Variants in B4GALNT3 observed in about 807,000 individuals in gnomAD.
B4GALNT3 encodes the protein beta-1,4-N-acetylgalactosaminyltransferase 3.
In B4GALNT3, 86 loss-of-function variants were observed where a neutral mutation model predicts 120.2. The observed-to-expected ratio is 0.72, with a 90% CI of 0.60 to 0.86. B4GALNT3 has a LOEUF of 0.86. Ranked by LOEUF, B4GALNT3 falls within the 40% of genes least tolerant of loss-of-function variation. B4GALNT3 has a pLI of 0.00. For missense variants in B4GALNT3, 1,167 were observed against 1,298.9 expected (o/e 0.90, Z 1.56); for synonymous variants, 518 against 510.4 (o/e 1.01, Z -0.20).
At position 556,460 on chromosome 12, in the gene B4GALNT3, C is replaced by T. The variant is rs1947157186; in HGVS notation, c.2061-87C>T. ...TAGGACAAAAACCAGGGTCTCCCAA[C>T]AACTAGCTTTGCAGGCTTCTCACAC... On this transcript the variant is annotated intron_variant, in intron 14 of 19. Transcript: ENST00000266383. 3.0e-6 allele frequency: 4 copies of T among 1,339,776 alleles called. No homozygotes were observed. The East Asian group carries it at 9.3e-5, about 31-fold the overall frequency. The allele number at this position is 1,339,776 out of a possible 1,614,324, so 83.0% of individuals were successfully genotyped here. A position where few individuals can be genotyped will look rare whatever the true frequency, so the allele number is the denominator to read the frequency against.
rs776554314 is a variant in B4GALNT3 at position 552,162 on chromosome 12, C to A, written c.1207C>A (p.Arg403=). 13 of 1,599,776 alleles carry A rather than the reference C, an allele frequency of 8.1e-6. No homozygotes were observed. In the South Asian group the frequency reaches 1.4e-4, roughly 18 times the overall value. The change falls in exon 12 of 20, where the codon CGG becomes AGG. Residue 403 remains arginine, a splice_region_variant and synonymous_variant. Transcript: ENST00000266383. ...CCAGGAAAACGCCTACTACCAAGACCGGTGAGAGACACTGAGTGGGGCAGG... is the reference window on the plus strand; with the variant it reads ...CCAGGAAAACGCCTACTACCAAGACAGGTGAGAGACACTGAGTGGGGCAGG... ...FYQENAYYQD[R]FSFQEYIKID...
At chr12:486,692 C>T (rs1263420535) in intron 1 of B4GALNT3, among the ~76,000 whole-genome samples, 1 of 152,148 alleles carries the variant, frequency 6.6e-6, no homozygotes, top group Non-Finnish European at 1.5e-5. Context: ...CATTGAAAGA[C>T]TGAGATAAAA....
chr12:481,885 C>T (rs1464765730), intron 1 of B4GALNT3, among the ~76,000 whole-genome samples: 2 of 152,046 alleles, frequency 1.3e-5, no homozygotes, highest in Admixed American at 6.6e-5. Flanking sequence ...TATTTCTGTC[C>T]TCCATCTCCT....
chr12:546,812 C>A (rs1947013395), intron 7 of B4GALNT3, 99 bp downstream of exon 7: 1 of 1,216,132 alleles, frequency 8.2e-7, no homozygotes, highest in South Asian at 1.3e-5. Flanking sequence ...TCCAGAGCTT[C>A]CGTGTGTCCG....
chr12:511,792 CCTTCCACCTTCTTCCACCTT>C (rs1180703788), intron 1 of B4GALNT3, among the ~76,000 whole-genome samples: 1 of 71,588 alleles, frequency 1.4e-5, no homozygotes, highest in African/African-American at 5.7e-5. Context: ...CCACCTTCCA[CCTTCCACCTTCTTCCACCTT>C]CTTCCACCTT....
At chr12:474,393 C>T (rs951950096) in intron 1 of B4GALNT3, among the ~76,000 whole-genome samples, 3 of 152,198 alleles carry the variant, frequency 2.0e-5, no homozygotes, top group Admixed American at 6.5e-5. Flanking sequence ...TCAACCTTAG[C>T]ATTGGATCAG....
At chr12:554,949 A>G (rs1947135641) in intron 14 of B4GALNT3, among the ~76,000 whole-genome samples, 1 of 152,060 alleles carries the variant, frequency 6.6e-6, no homozygotes, top group Non-Finnish European at 1.5e-5. Context: ...AGACCGGGGT[A>G]GGTGGATCAC....
Position 556,853 on chromosome 12 carries a change from C to T in B4GALNT3, c.2367C>T (p.His789=). Residue 789 remains histidine (H), a synonymous_variant, in exon 15 of 20, where the codon CAC becomes CAT. Coordinates refer to ENST00000266383, the MANE Select transcript of B4GALNT3 (RefSeq NM_173593.4). ...GFSWSHRAVV[H]FVVPVKNQAR... is the part of the protein sequence containing the mutation. ...CCTGGAGTCACCGAGCCGTGGTCCA[C>T]TTCGTCGTGCCTGGTGAGCCTCAAG... The T allele has an allele frequency of 6.2e-7, 1 of 1,604,438 alleles. No individual in the cohort carries two copies. The highest frequency in any genetic ancestry group is 8.5e-7 in the Non-Finnish European group (1 of 1,172,482).
chr12:483,376 A>G (rs1393980696), intron 1 of B4GALNT3, among the ~76,000 whole-genome samples: 1 of 152,206 alleles, frequency 6.6e-6, no homozygotes, highest in Non-Finnish European at 1.5e-5. Context: ...GCAGGGTGGT[A>G]AGAACCATGG....
At chr12:555,295 T>C in intron 14 of B4GALNT3, 1 of 454,776 alleles carries the variant, frequency 2.2e-6, no homozygotes, top group Non-Finnish European at 4.4e-6. Context: ...TCTAGCTCTG[T>C]GGATTTTCCT....
At chr12:519,091 C>T (rs1011461186) in intron 1 of B4GALNT3, among the ~76,000 whole-genome samples, 4 of 152,176 alleles carry the variant, frequency 2.6e-5, no homozygotes, top group Admixed American at 2.6e-4. Context: ...TCAGACTGTG[C>T]AGTCTTTGTG....
intron 1 of B4GALNT3, among the ~76,000 whole-genome samples, chr12:499,914 TA>T (rs1174550097): frequency 1.3e-5 from 2 of 152,228 alleles, no homozygotes; most frequent in Non-Finnish European, 2.9e-5. Flanking sequence ...TTTTCTAAAA[TA>T]CAGTGAGCTA....
intron 11 of B4GALNT3, 34 bp from the exon 12 acceptor site, chr12:552,029 C>G (rs1308956562): frequency 3.4e-6 from 5 of 1,483,098 alleles, no homozygotes; most frequent in Admixed American, 1.7e-5. Flanking sequence ...AGATCTCACT[C>G]TCTTACTCCT....
chr12:535,060 A>G, intron 1 of B4GALNT3, 106 bp from the exon 2 acceptor site: 1 of 854,002 alleles, frequency 1.2e-6, no homozygotes, highest in Non-Finnish European at 1.8e-6. Flanking sequence ...CTCTGAAGAG[A>G]GGTGAGAAGG....
Position 544,398 on chromosome 12 carries a change from G to A in B4GALNT3, c.411G>A (p.Gln137=), listed in dbSNP as rs746497268. 8 of 1,613,752 alleles carry A rather than the reference G, an allele frequency of 5.0e-6. No individual in the cohort carries two copies. The South Asian group carries it at 8.8e-5, about 18-fold the overall frequency. The change falls in exon 4 of 20, where the codon CAG becomes CAA. Residue 137 remains glutamine (Q), a synonymous_variant. Transcript: ENST00000266383. ...ACTGGTGTGGCAGCTCTATCCAGCAGCTCAGGAGGAACCTGCATTTCCCAC... is the reference window on the plus strand; with the variant it reads ...ACTGGTGTGGCAGCTCTATCCAGCAACTCAGGAGGAACCTGCATTTCCCAC... ...FEDWCGSSIQ[Q]LRRNLHFPLY...
chr12:534,170 C>G (rs1337655112), intron 1 of B4GALNT3, among the ~76,000 whole-genome samples: 1 of 152,244 alleles, frequency 6.6e-6, no homozygotes, highest in Non-Finnish European at 1.5e-5. Context: ...AGCCTTGCCA[C>G]TACTTGCTAA....
Position 553,231 on chromosome 12 carries a change from G to C in B4GALNT3, c.1308G>C (p.Gly436=). ...EENLLEESQY[G]EVAEETPASN... ...ACCTTCTAGAAGAGTCCCAGTATGG[G>C]GAAGTGGCAGAGGAGACCCCTGCCT... Residue 436 remains glycine (G), a synonymous_variant, in exon 14 of 20, where the codon GGG becomes GGC. Coordinates refer to ENST00000266383, the MANE Select transcript of B4GALNT3 (RefSeq NM_173593.4). 1.2e-6 allele frequency: 2 copies of C among 1,613,506 alleles called. No individual in the cohort carries two copies. The highest frequency in any genetic ancestry group is 2.2e-5 in the South Asian group (2 of 91,082).
intron 1 of B4GALNT3, among the ~76,000 whole-genome samples, chr12:512,634 G>GCCTTCCA (rs547585240): frequency 2.5e-5 from 1 of 40,434 alleles, no homozygotes; most frequent in African/African-American, 1.1e-4. Context: ...TCCACCTTCC[G>GCCTTCCA]CCTTCCACCT....
At chr12:525,360 C>T (rs1303804381) in intron 1 of B4GALNT3, among the ~76,000 whole-genome samples, 2 of 152,304 alleles carry the variant, frequency 1.3e-5, no homozygotes, top group Middle Eastern at 3.4e-3. Context: ...CCGCCTGCCT[C>T]GACCTCCCAA....
Sources: allele counts gnomAD v4.1 joint callset (sites outside exome capture counted in the v4.1 genomes callset), GRCh38; gene constraint gnomAD v4.1.1; transcripts MANE v1.5; gene names NCBI Gene and HGNC (gene_info 2026-07-23, HGNC 2026-07-21).